The following OTOG variants were observed in gnomAD, a reference collection of about 807,000 sequenced individuals.
OTOG encodes the protein otogelin.
In OTOG, 296 loss-of-function variants were observed where a neutral mutation model predicts 313.8. The observed-to-expected ratio is 0.94, with a 90% confidence interval of 0.86 to 1.04. The LOEUF (loss-of-function observed/expected upper bound fraction) is 1.04, where lower values mean the gene tolerates loss of function less well. Among genes scored for constraint, OTOG ranks in the 50% least tolerant of loss-of-function variants. OTOG has a pLI of 0.00. For missense variants in OTOG, 3,948 were observed against 3,840.1 expected (o/e 1.03, Z -0.74); for synonymous variants, 1,533 against 1,554.9 (o/e 0.99, Z 0.33).
At chr11:17,595,252 G>A (rs1853064478) in intron 28 of OTOG, among the ~76,000 whole-genome samples, 2 of 152,132 alleles carry the variant, frequency 1.3e-5, no homozygotes. Context: ...AGCTCAGTGG[G>A]TGACTAACCC....
intron 30 of OTOG, among the ~76,000 whole-genome samples, chr11:17,597,818 G>C (rs113609939): frequency 2.8e-4 from 43 of 152,174 alleles, no homozygotes; most frequent in African/African-American, 1.0e-3. Flanking sequence ...TTGCGCTCTG[G>C]GGTCAGACTG....
In OTOG at chr11:17,612,615, C is replaced by G; in HGVS notation, c.6293-5C>G. 6.5e-7 allele frequency: 1 copy of G among 1,549,514 alleles called. No individual in the cohort carries two copies. Among genetic ancestry groups the G allele is most frequent in the Non-Finnish European group, 8.7e-7 (1 of 1,146,292 alleles). Reference sequence around the variant, plus strand: ...TATTCTTCTTGTGCCCTGCCCCTCCCCCAGGCCGGTGCTCAATCTTCCCTG... The same window carrying G: ...TATTCTTCTTGTGCCCTGCCCCTCCGCCAGGCCGGTGCTCAATCTTCCCTG... On this transcript the variant is annotated splice_region_variant and splice_polypyrimidine_tract_variant and intron_variant, in intron 37 of 55. Transcript: ENST00000399397.
At chr11:17,553,974 G>A (rs1470357647) in intron 6 of OTOG, among the ~76,000 whole-genome samples, 3 of 152,188 alleles carry the variant, frequency 2.0e-5, no homozygotes, top group Admixed American at 1.3e-4. Flanking sequence ...TCGGAAGGAT[G>A]GTGACCTGGG....
intron 37 of OTOG, 48 bp downstream of exon 37, chr11:17,612,378 AC>A: frequency 1.3e-6 from 2 of 1,481,698 alleles, no homozygotes; most frequent in South Asian, 2.7e-5. Context: ...CTGTATCCTT[AC>A]CCCAGCATGA....
chr11:17,558,508 C>G (rs186947681), intron 9 of OTOG, 30 bp from the exon 10 acceptor site: 75 of 1,549,300 alleles, frequency 4.8e-5, no homozygotes, highest in Non-Finnish European at 6.3e-5. Flanking sequence ...TTGCCAGCCC[C>G]TAGCCCTGGC....
chr11:17,554,766 A>G (rs180897417), intron 6 of OTOG, among the ~76,000 whole-genome samples: 9 of 152,308 alleles, frequency 5.9e-5, no homozygotes, highest in Middle Eastern at 6.8e-3. Context: ...TCATTTCATG[A>G]TGGATATGTT....
chr11:17,641,431 ACTTAGG>A (rs1847969688), intron 51 of OTOG, among the ~76,000 whole-genome samples: 1 of 152,128 alleles, frequency 6.6e-6, no homozygotes, highest in African/African-American at 2.4e-5. Flanking sequence ...CATGCCTAGT[ACTTAGG>A]ATGGTGACTG....
chr11:17,579,839 T>A (rs1389649057), intron 23 of OTOG, among the ~76,000 whole-genome samples: 1 of 152,178 alleles, frequency 6.6e-6, no homozygotes, highest in Non-Finnish European at 1.5e-5. Flanking sequence ...GGCGCTGGAC[T>A]GGAGACCGGG....
At position 17,596,091 on chromosome 11, in the gene OTOG, A is replaced by T; in HGVS notation, c.3462A>T (p.Glu1154Asp). 1 of 1,550,808 alleles carries T rather than the reference A, an allele frequency of 6.4e-7. No homozygotes were observed. The highest frequency in any genetic ancestry group is 2.4e-5 in the East Asian group (1 of 40,916). Residue 1154 changes from glutamate (E) to aspartate (D), a missense_variant, in exon 29 of 56, where the codon GAA (glutamate) becomes GAT (aspartate). By Grantham distance (45) the Glu-to-Asp change is conservative (BLOSUM62 2). Transcript: ENST00000399397. ...RDMCVLNPLR[E>D]PFAKKECSIL... is the part of the protein sequence containing the mutation. The stretch of plus-strand genomic sequence containing the variant: ...TGTGTGTCCTGAATCCTCTCCGAGA[A>T]CCATTTGCCAAGAAGGAGTGCAGCA...
At chr11:17,581,338 C>A (rs1008455620) in intron 23 of OTOG, among the ~76,000 whole-genome samples, 1 of 152,166 alleles carries the variant, frequency 6.6e-6, no homozygotes, top group African/African-American at 2.4e-5. Context: ...GAAACCAAAT[C>A]AGAGACTTTG....
In OTOG at chr11:17,610,014, G is replaced by C. The variant is rs900991154; in HGVS notation, c.4714G>C (p.Val1572Leu). Residue 1572 changes from valine to leucine, a missense_variant, in exon 36 of 56, where the codon GTT becomes CTT. Coordinates refer to ENST00000399397, the MANE Select transcript of OTOG (RefSeq NM_001292063.2). ...TACACCAGAGTCCTCATCCCTCCCTGTTGCACTGCAGACACCCACACCTGG... is the reference window on the plus strand; with the variant it reads ...TACACCAGAGTCCTCATCCCTCCCTCTTGCACTGCAGACACCCACACCTGG... ...PHTPESSSLPVALQTPTPGMV... is the reference protein window; with the variant it reads ...PHTPESSSLPLALQTPTPGMV... 1.9e-6 allele frequency: 3 copies of C among 1,546,676 alleles called. No homozygotes were observed. Among genetic ancestry groups the C allele is most frequent in the African/African-American group, 1.4e-5 (1 of 73,060 alleles).
chr11:17,625,518 T>G (rs1304375885), intron 39 of OTOG, among the ~76,000 whole-genome samples: 1 of 152,226 alleles, frequency 6.6e-6, no homozygotes, highest in Non-Finnish European at 1.5e-5. Context: ...TTGATCGTGG[T>G]GAATAAGCTT....
In OTOG at chr11:17,557,185, C is replaced by A; in HGVS notation, c.727C>A (p.His243Asn). 1 of 1,550,664 alleles carries A rather than the reference C, an allele frequency of 6.4e-7. No homozygotes were observed. The highest frequency in any genetic ancestry group is 2.0e-5 in the Admixed American group (1 of 51,008). ...GCTTGCCGGCTATGTCATCGTGCGGCATCAGTCAGCCTTCACACTGGCCTG... is the reference window on the plus strand; with the variant it reads ...GCTTGCCGGCTATGTCATCGTGCGGAATCAGTCAGCCTTCACACTGGCCTG... ...QQLAGYVIVR[H>N]QSAFTLAWDG... is the part of the protein sequence containing the mutation. The change falls in exon 8 of 56, where the codon CAT becomes AAT. Residue 243 changes from histidine (H) to asparagine (N), a missense_variant. Coordinates refer to ENST00000399397, the MANE Select transcript of OTOG (RefSeq NM_001292063.2).
intron 23 of OTOG, among the ~76,000 whole-genome samples, chr11:17,585,525 A>G (rs1852772099): frequency 1.3e-5 from 2 of 152,028 alleles, no homozygotes; most frequent in Non-Finnish European, 2.9e-5. Flanking sequence ...TCTTATATTC[A>G]TTTCTTTCCT....
chr11:17,589,840 G>A (rs1476807478), intron 24 of OTOG, among the ~76,000 whole-genome samples: 2 of 152,028 alleles, frequency 1.3e-5, no homozygotes, highest in Non-Finnish European at 2.9e-5. Flanking sequence ...GCCTTTCTCA[G>A]TCCTCACCTT....
rs1463608362 is a variant in OTOG, at chr11:17,561,075, G to T, written c.1452-16G>T. 3.2e-6 allele frequency: 5 copies of T among 1,550,566 alleles called. No homozygotes were observed. Among genetic ancestry groups the T allele is most frequent in the Non-Finnish European group, 4.4e-6 (5 of 1,146,966 alleles). On this transcript the variant is annotated splice_polypyrimidine_tract_variant and intron_variant, in intron 13 of 55. Coordinates refer to ENST00000399397, the MANE Select transcript of OTOG (RefSeq NM_001292063.2). Reference sequence around the variant, plus strand: ...TGGAGGGGTGACCTCTTGCCTCCTTGGTCTCTGTGTTTTAGCACATGCACC... The same window carrying T: ...TGGAGGGGTGACCTCTTGCCTCCTTTGTCTCTGTGTTTTAGCACATGCACC...
intron 23 of OTOG, among the ~76,000 whole-genome samples, chr11:17,579,793 A>G (rs1006821452): frequency 2.6e-5 from 4 of 152,282 alleles, no homozygotes; most frequent in Non-Finnish European, 5.9e-5. Context: ...CTCACTGCCA[A>G]GAGTAGTAGC....
chr11:17,574,315 A>AGTGT (rs60387184), intron 19 of OTOG, among the ~76,000 whole-genome samples: 9,172 of 150,880 alleles, frequency 0.061, 335 homozygotes, highest in African/African-American at 0.093. Flanking sequence ...AGGGGGTAGG[A>AGTGT]GTGTGTGTGT....
intron 4 of OTOG, among the ~76,000 whole-genome samples, chr11:17,552,390 GCTT>G (rs1252159578): frequency 1.3e-5 from 2 of 152,122 alleles, no homozygotes; most frequent in Non-Finnish European, 2.9e-5. Flanking sequence ...TGGTTCTGTG[GCTT>G]CTTTCTACTT....
Sources: gnomAD v4.1 joint callset for allele counts (sites outside exome capture counted in the v4.1 genomes callset) on GRCh38, gnomAD v4.1.1 for gene constraint, MANE v1.5 for transcripts, NCBI Gene and HGNC (gene_info 2026-07-23, HGNC 2026-07-21) for gene names.